Variants in THSD7B observed in about 807,000 individuals in gnomAD.
THSD7B encodes thrombospondin type-1 domain-containing protein 7B.
In THSD7B, 138 loss-of-function variants were observed where a neutral mutation model predicts 213.6. The observed-to-expected ratio is 0.65, with a 90% CI of 0.56 to 0.74. THSD7B has a LOEUF of 0.74. Ranked by LOEUF, THSD7B falls within the 30% of genes least tolerant of loss-of-function variation. The pLI, the probability that THSD7B is intolerant of heterozygous loss-of-function variation, is 0.00. For missense variants in THSD7B, 1,931 were observed against 1,991.5 expected (o/e 0.97, Z 0.58); for synonymous variants, 742 against 687.0 (o/e 1.08, Z -1.25).
rs181107824 is a variant in THSD7B at position 137,061,133 on chromosome 2, A to G, written c.950+3903A>G. On this transcript the variant is annotated intron_variant, in intron 3 of 27. Coordinates refer to ENST00000409968, the MANE Select transcript of THSD7B (RefSeq NM_001316349.2). ...TAAATGGTATTGTGTTTTTAATTTC[A>G]TATTGCAATTGTGCATTGCTGGTAT... 2.6e-5 allele frequency among the ~76,000 whole-genome samples: 4 copies of G among 151,808 alleles called. 1 individual carries two copies. Among genetic ancestry groups the G allele is most frequent in the Admixed American group, 2.6e-4 (4 of 15,254 alleles).
intron 1 of THSD7B, among the ~76,000 whole-genome samples, chr2:136,873,020 C>CT (rs146594644): frequency 0.013 from 735 of 57,872 alleles, 206 homozygotes; most frequent in Middle Eastern, 0.024. Flanking sequence ...AAGACTCCAT[C>CT]TAAAAAAAAA....
At chr2:137,502,785 C>T (rs936024200) in intron 15 of THSD7B, among the ~76,000 whole-genome samples, 7 of 152,108 alleles carry the variant, frequency 4.6e-5, no homozygotes, top group African/African-American at 1.2e-4. Flanking sequence ...ATCTCAGCCC[C>T]GCACAACAAT....
chr2:136,833,945 G>T lies in THSD7B; in HGVS notation c.-35-48199G>T, dbSNP rs1174811873. ...ATGGCATGGCCTCCAAATCCCCATA[G>T]ATTTTTTTTGAGATTAATTCCTGGA... On this transcript the variant is annotated intron_variant, in intron 1 of 27. Transcript: ENST00000409968. 2.0e-5 allele frequency among the ~76,000 whole-genome samples: 3 copies of T among 152,134 alleles called. No individual in the cohort carries two copies. The East Asian group carries it at 5.8e-4, about 29-fold the overall frequency.
chr2:137,462,631 T>G (rs1687906916), intron 15 of THSD7B, among the ~76,000 whole-genome samples: 1 of 152,180 alleles, frequency 6.6e-6, no homozygotes, highest in South Asian at 2.1e-4. Context: ...CAAGGCAACC[T>G]GGAAGTGTGT....
At chr2:136,927,686 GTCTAC>G (rs1558855683) in intron 2 of THSD7B, among the ~76,000 whole-genome samples, 1 of 152,202 alleles carries the variant, frequency 6.6e-6, no homozygotes, top group Non-Finnish European at 1.5e-5. Flanking sequence ...GGGGAATGAA[GTCTAC>G]TTTGGTTCAA....
At chr2:137,034,659 C>T (rs1686739985) in intron 2 of THSD7B, among the ~76,000 whole-genome samples, 1 of 152,070 alleles carries the variant, frequency 6.6e-6, no homozygotes, top group Admixed American at 6.6e-5. Context: ...CATTGTTCAA[C>T]TCCCACTTAT....
In THSD7B at chr2:137,546,419, ATATATT is replaced by A. The variant is rs1680723255; in HGVS notation, c.3139-16801_3139-16796del. Among the ~76,000 whole-genome samples the A allele has an allele frequency of 1.1e-4, 4 of 34,876 alleles. 1 individual carries two copies. The highest frequency in any genetic ancestry group is 2.1e-4 in the African/African-American group (1 of 4,734). 22.9% of individuals were successfully genotyped at this position (34,876 alleles called of 152,430 possible). ...ATTATATATATTATATATATATTAT[ATATATT>A]ATATATATATTATATATATTATATA... On this transcript the variant is annotated intron_variant, in intron 15 of 27. Coordinates refer to ENST00000409968, the MANE Select transcript of THSD7B (RefSeq NM_001316349.2).
intron 12 of THSD7B, among the ~76,000 whole-genome samples, chr2:137,380,233 G>A (rs112837916): frequency 3.5e-4 from 50 of 144,812 alleles, no homozygotes; most frequent in Middle Eastern, 3.5e-3. Context: ...GCAAAAAAGC[G>A]ATAACTCATC....
At chr2:137,475,467 C>T (rs1333426256) in intron 15 of THSD7B, among the ~76,000 whole-genome samples, 1 of 152,096 alleles carries the variant, frequency 6.6e-6, no homozygotes, top group Non-Finnish European at 1.5e-5. Flanking sequence ...ACTAACCAAC[C>T]TCTCTTTATC....
At chr2:136,991,030 GA>G in intron 2 of THSD7B, 1 of 1,031,142 alleles carries the variant, frequency 9.7e-7, no homozygotes, top group Non-Finnish European at 1.3e-6. Context: ...CAAAAAAGGA[GA>G]AAGAAAGATG....
chr2:137,007,770 A>G (rs751017807), intron 2 of THSD7B, among the ~76,000 whole-genome samples: 36 of 152,196 alleles, frequency 2.4e-4, no homozygotes, highest in Non-Finnish European at 4.7e-4. Context: ...TATATTGCCA[A>G]TGAAAAACTC....
At chr2:137,456,233 GGGTA>G (rs1165531926) in intron 15 of THSD7B, among the ~76,000 whole-genome samples, 1 of 152,034 alleles carries the variant, frequency 6.6e-6, no homozygotes, top group Non-Finnish European at 1.5e-5. Context: ...TTTCCTAGCA[GGGTA>G]ATGATGTTTT....
chr2:137,175,732 A>G (rs916979309), intron 7 of THSD7B, among the ~76,000 whole-genome samples: 6 of 152,162 alleles, frequency 3.9e-5, no homozygotes, highest in African/African-American at 1.4e-4. Flanking sequence ...ACTGGTGGAA[A>G]TGTGTTAGAA....
chr2:137,452,145 C>A, intron 15 of THSD7B: 1 of 437,114 alleles, frequency 2.3e-6, no homozygotes, highest in Non-Finnish European at 3.0e-6. Context: ...AAAAATTCAA[C>A]AAGATATATT....
chr2:137,363,554 A>T (rs1320631403), intron 12 of THSD7B, among the ~76,000 whole-genome samples: 3 of 152,144 alleles, frequency 2.0e-5, no homozygotes, highest in Non-Finnish European at 4.4e-5. Flanking sequence ...GATAAAGGGG[A>T]TATCACCACC....
intron 14 of THSD7B, among the ~76,000 whole-genome samples, chr2:137,445,151 A>G (rs997803753): frequency 4.6e-5 from 7 of 151,984 alleles, no homozygotes; most frequent in African/African-American, 1.7e-4. Context: ...GCTCGTACAC[A>G]GTTGGTAGGA....
In THSD7B at chr2:137,641,663, C is replaced by T. The variant is rs1487685412; in HGVS notation, c.3800-825C>T. Among the ~76,000 whole-genome samples the T allele has an allele frequency of 3.3e-5, 5 of 152,162 alleles. No individual in the cohort carries two copies. The East Asian group carries it at 9.6e-4, about 29-fold the overall frequency. ...TGTAGGTTATTCCATCACTATTCCA[C>T]CTGATGAGCTGATGACCTAATGCCT... On this transcript the variant is annotated intron_variant, in intron 20 of 27. Transcript: ENST00000409968.
intron 2 of THSD7B, among the ~76,000 whole-genome samples, chr2:136,917,437 A>G (rs575010790): frequency 1.3e-5 from 2 of 152,286 alleles, no homozygotes; most frequent in East Asian, 3.9e-4. Context: ...GCTCTTGTCT[A>G]ATTGAGTCAG....
intron 14 of THSD7B, among the ~76,000 whole-genome samples, chr2:137,424,998 G>A (rs1297661031): frequency 6.6e-6 from 1 of 151,368 alleles, no homozygotes; most frequent in African/African-American, 2.4e-5. Context: ...CGTGAACCCG[G>A]GAGGCGGAGC....
Sources: allele counts gnomAD v4.1 joint callset (sites outside exome capture counted in the v4.1 genomes callset), GRCh38; gene constraint gnomAD v4.1.1; transcripts MANE v1.5; gene names NCBI Gene and HGNC (gene_info 2026-07-23, HGNC 2026-07-21).